The following WDPCP variants were observed in gnomAD, a reference collection of about 807,000 sequenced individuals.
WDPCP encodes the protein WD repeat-containing and planar cell polarity effector protein fritz homolog.
WDPCP carries 71 observed loss-of-function variants against 93.1 expected under a neutral mutation model. The ratio of observed to expected loss-of-function variants is 0.76; its 90% CI spans 0.63 to 0.93. WDPCP has a LOEUF of 0.93. Among genes scored for constraint, WDPCP ranks in the 40% least tolerant of loss-of-function variants. WDPCP has a pLI of 0.00. For synonymous variants in WDPCP, 315 were observed against 315.0 expected (o/e 1.00, Z 0.00); for missense variants, 844 against 887.4 (o/e 0.95, Z 0.62).
chr2:63,738,761 T>C (rs1221522599), intron 2 of WDPCP, among the ~76,000 whole-genome samples: 1 of 152,146 alleles, frequency 6.6e-6, no homozygotes, highest in Non-Finnish European at 1.5e-5. Context: ...ATAAACAGAA[T>C]AGTATATACA....
At chr2:63,575,432 A>C (rs1361573879) in intron 1 of WDPCP, among the ~76,000 whole-genome samples, 1 of 98,588 alleles carries the variant, frequency 1.0e-5, no homozygotes, top group East Asian at 2.6e-4. Context: ...TATACAGTGT[A>C]TATACAGTGT....
intron 12 of WDPCP, among the ~76,000 whole-genome samples, chr2:63,317,507 C>T (rs1214403566): frequency 2.0e-5 from 3 of 151,724 alleles, no homozygotes; most frequent in African/African-American, 4.8e-5. Flanking sequence ...TTATGCACTT[C>T]GAACTCCTAC....
chr2:63,571,749 T>C (rs1367318894), intron 1 of WDPCP: 1 of 399,924 alleles, frequency 2.5e-6, no homozygotes, highest in Non-Finnish European at 5.0e-6. Context: ...AGGTGAAAGA[T>C]GAACTACAAT....
At chr2:63,249,313 C>T (rs910359111) in intron 14 of WDPCP, among the ~76,000 whole-genome samples, 1 of 152,162 alleles carries the variant, frequency 6.6e-6, no homozygotes, top group African/African-American at 2.4e-5. Flanking sequence ...GTATACATGG[C>T]TGCTTTTGAA....
chr2:63,494,705 G>T (rs1194480564), intron 1 of WDPCP, among the ~76,000 whole-genome samples: 2 of 152,018 alleles, frequency 1.3e-5, no homozygotes, highest in Non-Finnish European at 2.9e-5. Context: ...GGGATCACAA[G>T]GTCAGGAGAT....
At chr2:63,697,418 A>T (rs978885885) in intron 2 of WDPCP, among the ~76,000 whole-genome samples, 1 of 152,184 alleles carries the variant, frequency 6.6e-6, no homozygotes, top group Non-Finnish European at 1.5e-5. Context: ...TGACAAATGA[A>T]ATGTTAATCA....
chr2:63,686,354 A>C (rs1029609474), intron 2 of WDPCP, among the ~76,000 whole-genome samples: 1 of 152,228 alleles, frequency 6.6e-6, no homozygotes, highest in African/African-American at 2.4e-5. Flanking sequence ...GATAGCTACA[A>C]ATAAAATACC....
rs576235993 is a variant in WDPCP at position 63,672,195 on chromosome 2, A to T, written n.309-21357T>A. Among the ~76,000 whole-genome samples the T allele has an allele frequency of 2.0e-5, 3 of 152,304 alleles. No homozygotes were observed. The East Asian group carries it at 5.8e-4, about 29-fold the overall frequency. On this transcript the variant is annotated intron_variant and non_coding_transcript_variant, in intron 2 of 4. Coordinates refer to the WDPCP transcript ENST00000467687. ...AGAGGAAGCCTATTTGGAATGACAC[A>T]CGGGGAGTCTTGTTTGTCCAGCCAA...
chr2:63,840,283 C>T, the WDPCP span, among the ~76,000 whole-genome samples: 8 of 152,176 alleles, frequency 5.3e-5, no homozygotes, highest in African/African-American at 1.7e-4. Context: ...CTGTAACAGT[C>T]CCCAGGCTAG....
intron 17 of WDPCP, among the ~76,000 whole-genome samples, chr2:63,145,089 C>T (rs558741456): frequency 2.0e-5 from 3 of 152,284 alleles, no homozygotes; most frequent in African/African-American, 7.2e-5. Context: ...GTTGTCTGCA[C>T]AGAGTCCTGT....
At chr2:63,560,950 G>T (rs1404931425) in intron 1 of WDPCP, among the ~76,000 whole-genome samples, 1 of 152,172 alleles carries the variant, frequency 6.6e-6, no homozygotes, top group Non-Finnish European at 1.5e-5. Context: ...CCTGCACGTT[G>T]TGCACATGTA....
chr2:63,215,368 A>C (rs1259373793), intron 14 of WDPCP, among the ~76,000 whole-genome samples: 1 of 152,098 alleles, frequency 6.6e-6, no homozygotes, highest in Non-Finnish European at 1.5e-5. Context: ...GAGATATAGA[A>C]CAATGGAACA....
intron 1 of WDPCP, among the ~76,000 whole-genome samples, chr2:63,549,041 G>A (rs556614183): frequency 6.6e-6 from 1 of 152,000 alleles, no homozygotes; most frequent in Non-Finnish European, 1.5e-5. Flanking sequence ...CTGAGGTCAG[G>A]AGTTCAAGAC....
At chr2:63,436,609 A>G (rs1233245775) in intron 8 of WDPCP, among the ~76,000 whole-genome samples, 1 of 152,088 alleles carries the variant, frequency 6.6e-6, no homozygotes, top group Non-Finnish European at 1.5e-5. Context: ...ATCTTTTTTA[A>G]GGAAGCTGTA....
chr2:63,581,238 G>C (rs1443712840), intron 1 of WDPCP, among the ~76,000 whole-genome samples: 2 of 152,128 alleles, frequency 1.3e-5, no homozygotes, highest in Non-Finnish European at 1.5e-5. Flanking sequence ...GGGAAACCAG[G>C]AGTAGCCCGG....
intron 2 of WDPCP, among the ~76,000 whole-genome samples, chr2:63,808,915 G>C (rs918491330): frequency 2.0e-5 from 3 of 151,880 alleles, no homozygotes; most frequent in African/African-American, 7.3e-5. Context: ...CTTCCCGGCC[G>C]CCATCCCATC....
chr2:63,334,600 G>A (rs1237013782), intron 12 of WDPCP, among the ~76,000 whole-genome samples: 1 of 152,172 alleles, frequency 6.6e-6, no homozygotes, highest in Non-Finnish European at 1.5e-5. Context: ...AGAGTGAGTA[G>A]TAGGAGGCTG....
intron 1 of WDPCP, among the ~76,000 whole-genome samples, chr2:63,553,839 T>C (rs1204174778): frequency 6.6e-6 from 1 of 152,206 alleles, no homozygotes; most frequent in Non-Finnish European, 1.5e-5. Flanking sequence ...TTTTACCTCA[T>C]TCAATTTAAC....
chr2:63,417,757 T>C (rs1458764534), intron 9 of WDPCP, among the ~76,000 whole-genome samples: 2 of 147,926 alleles, frequency 1.4e-5, no homozygotes, highest in Non-Finnish European at 3.0e-5. Flanking sequence ...TTAATATTAA[T>C]ATATATTTAT....
Sources: gnomAD v4.1 joint callset for allele counts (sites outside exome capture counted in the v4.1 genomes callset) on GRCh38, gnomAD v4.1.1 for gene constraint, MANE v1.5 for transcripts, NCBI Gene and HGNC (gene_info 2026-07-23, HGNC 2026-07-21) for gene names.